Variants in AOPEP observed in about 807,000 individuals in gnomAD.
AOPEP encodes the protein aminopeptidase O.
In AOPEP, 77 loss-of-function variants were observed where a neutral mutation model predicts 98.1. That is an observed-to-expected ratio of 0.78 (90% CI 0.65 to 0.95). The LOEUF (loss-of-function observed/expected upper bound fraction) is 0.95. Among genes scored for constraint, AOPEP ranks in the 40% least tolerant of loss-of-function variants. The pLI, the probability that AOPEP is intolerant of heterozygous loss-of-function variation, is 0.00. For missense variants in AOPEP, 1,024 were observed against 1,024.7 expected (o/e 1.00, Z 0.01); for synonymous variants, 346 against 365.3 (o/e 0.95, Z 0.60).
chr9:94,793,634 G>A (rs1310101513), intron 4 of AOPEP, among the ~76,000 whole-genome samples: 2 of 151,100 alleles, frequency 1.3e-5, no homozygotes, highest in Non-Finnish European at 2.9e-5. Context: ...CCAAGATTGC[G>A]CCACCGCACT....
At chr9:94,999,385 T>A (rs1166067941) in intron 11 of AOPEP, among the ~76,000 whole-genome samples, 1 of 152,184 alleles carries the variant, frequency 6.6e-6, no homozygotes, top group African/African-American at 2.4e-5. Flanking sequence ...AACTCCAAGC[T>A]TTCTAGAAGA....
At chr9:95,047,581 T>C (rs1418689022) in intron 13 of AOPEP, among the ~76,000 whole-genome samples, 1 of 152,204 alleles carries the variant, frequency 6.6e-6, no homozygotes, top group East Asian at 1.9e-4. Context: ...CTTCCTGAGG[T>C]GGGTCCCTAT....
At chr9:94,914,581 G>T (rs984169698) in intron 5 of AOPEP, among the ~76,000 whole-genome samples, 3 of 145,524 alleles carry the variant, frequency 2.1e-5, no homozygotes. Context: ...ATAAATATGT[G>T]CCCACTTCTA....
At chr9:94,835,517 G>C (rs1023049213) in intron 5 of AOPEP, among the ~76,000 whole-genome samples, 23 of 152,170 alleles carry the variant, frequency 1.5e-4, no homozygotes, top group African/African-American at 5.1e-4. Context: ...TCCTTTAAAA[G>C]AAGTTGAACT....
intron 13 of AOPEP, among the ~76,000 whole-genome samples, chr9:95,035,556 T>C (rs2064740009): frequency 7.5e-6 from 1 of 132,894 alleles, no homozygotes; most frequent in African/African-American, 2.8e-5. Flanking sequence ...TTCGCTCTTG[T>C]TGCCCAGGCT....
chr9:95,110,943 A>G, the AOPEP span: 1 of 1,342,990 alleles, frequency 7.4e-7, no homozygotes, highest in Non-Finnish European at 9.6e-7. Flanking sequence ...TCAGAAGCAA[A>G]GTGGTTAATA....
chr9:94,747,222 G>A (rs965168598), intron 1 of AOPEP, among the ~76,000 whole-genome samples: 3 of 152,118 alleles, frequency 2.0e-5, no homozygotes, highest in Non-Finnish European at 4.4e-5. Flanking sequence ...TTAAAGATTG[G>A]TCTTTAAGTT....
intron 13 of AOPEP, among the ~76,000 whole-genome samples, chr9:95,052,279 T>C (rs1256462583): frequency 6.6e-6 from 1 of 152,220 alleles, no homozygotes; most frequent in African/African-American, 2.4e-5. Flanking sequence ...GAGCAAAATC[T>C]GGTTCCAGTA....
At chr9:94,962,168 A>C (rs144963202) in intron 9 of AOPEP, among the ~76,000 whole-genome samples, 68 of 152,274 alleles carry the variant, frequency 4.5e-4, no homozygotes, top group African/African-American at 1.5e-3. Flanking sequence ...CACTGTGTTA[A>C]TATTAATTAA....
chr9:94,809,163 G>A (rs768726241), intron 5 of AOPEP, among the ~76,000 whole-genome samples: 5 of 152,190 alleles, frequency 3.3e-5, no homozygotes, highest in Non-Finnish European at 7.3e-5. Flanking sequence ...TTTCAAGGAA[G>A]ACTAGTTTTA....
At chr9:94,800,735 A>G (rs1848040421) in intron 4 of AOPEP, 22 bp from the exon 5 acceptor site, 1 of 1,611,156 alleles carries the variant, frequency 6.2e-7, no homozygotes, top group Non-Finnish European at 8.5e-7. Context: ...ATGTTTTACC[A>G]TTTATTTTGT....
Position 94,919,038 on chromosome 9 carries a change from C to T in AOPEP, c.1365-4948C>T, listed in dbSNP as rs151094950. ...TCAAGCCATTCTCTTGCTTCAGCCT[C>T]CTAGTAGCTGGGATTACAGGCACCT... is the stretch of plus-strand genomic sequence containing the variant. On this transcript the variant is annotated intron_variant, in intron 5 of 16. Coordinates refer to ENST00000375315, the MANE Select transcript of AOPEP (RefSeq NM_001193329.3). 6.7e-3 allele frequency among the ~76,000 whole-genome samples: 1,020 copies of T among 152,092 alleles called. 10 individuals are homozygous for T. Among genetic ancestry groups the T allele is most frequent in the African/African-American group, 0.023 (970 of 41,462 alleles).
intron 13 of AOPEP, among the ~76,000 whole-genome samples, chr9:95,021,113 A>G (rs1004531864): frequency 3.9e-5 from 6 of 151,954 alleles, no homozygotes; most frequent in African/African-American, 1.5e-4. Flanking sequence ...ATATATTGCA[A>G]TTTTAGAGTT....
chr9:95,108,669 A>G, the AOPEP span, among the ~76,000 whole-genome samples: 1 of 152,246 alleles, frequency 6.6e-6, no homozygotes, highest in Non-Finnish European at 1.5e-5. Flanking sequence ...TTATAAAGAC[A>G]TATATGCTTA....
In AOPEP at chr9:95,082,661, C is replaced by T. The variant is rs1454853436; in HGVS notation, c.2406C>T (p.Thr802=). 2 of 1,614,214 alleles carry T rather than the reference C, an allele frequency of 1.2e-6. No individual in the cohort carries two copies. Among genetic ancestry groups the T allele is most frequent in the Non-Finnish European group, 8.5e-7 (1 of 1,180,028 alleles). The part of the protein sequence containing the change: ...QQLARRCFER[T]KEQMDRSSAQ... ...TCGCCCGTAGGTGCTTCGAGCGGAC[C>T]AAGGAGCAGATGGATAGGTCCTCAG... The change falls in exon 16 of 17, where the codon ACC becomes ACT. Residue 802 remains threonine, a synonymous_variant. Transcript: ENST00000375315.
At chr9:94,784,462 C>T (rs1468770955) in intron 3 of AOPEP, among the ~76,000 whole-genome samples, 1 of 152,114 alleles carries the variant, frequency 6.6e-6, no homozygotes, top group East Asian at 1.9e-4. Flanking sequence ...CTTCCTTTTT[C>T]CCTCTTCACT....
In AOPEP at chr9:95,080,769, C is replaced by CGG. The variant is rs1564615184; in HGVS notation, c.2308_2309insGG (p.Gln770ArgfsTer15). On this transcript the variant is annotated frameshift_variant, in exon 15 of 17. Coordinates refer to ENST00000375315, the MANE Select transcript of AOPEP (RefSeq NM_001193329.3). LOFTEE classifies it high-confidence loss of function. ...CTACAAAAGTGTGGAGAGGTTCCTT[C>CGG]AGGAGGATCAGGTAGGTGTCATCTT... 6.2e-7 allele frequency: 1 copy of CGG among 1,613,168 alleles called. No homozygotes were observed. Among genetic ancestry groups the CGG allele is most frequent in the Non-Finnish European group, 8.5e-7 (1 of 1,179,148 alleles).
At chr9:95,123,705 A>G in the AOPEP span, 18 of 685,818 alleles carry the variant, frequency 2.6e-5, no homozygotes, top group Non-Finnish European at 4.9e-5. Flanking sequence ...TTTGATGCCT[A>G]TGTGCTTCCC....
intron 7 of AOPEP, among the ~76,000 whole-genome samples, chr9:94,952,409 C>T (rs992718157): frequency 6.6e-5 from 10 of 152,228 alleles, no homozygotes; most frequent in Non-Finnish European, 1.2e-4. Context: ...AGAAACCTTC[C>T]TGTTTCTCTG....
Sources: gnomAD v4.1 joint callset for allele counts (sites outside exome capture counted in the v4.1 genomes callset) on GRCh38, gnomAD v4.1.1 for gene constraint, MANE v1.5 for transcripts, NCBI Gene and HGNC (gene_info 2026-07-23, HGNC 2026-07-21) for gene names.